Variants in CFDP1 observed in about 807,000 individuals in gnomAD.
CFDP1 encodes the protein chromatin remodeling protein CFDP1.
Under a neutral mutation model 40.1 loss-of-function variants are expected in CFDP1, and 31 were observed. That is an observed-to-expected ratio of 0.77 (90% CI 0.58 to 1.04). The LOEUF is 1.04. Among genes scored for constraint, CFDP1 ranks in the 50% least tolerant of loss-of-function variants. The pLI, the probability that CFDP1 is intolerant of heterozygous loss-of-function variation, is 0.00. For missense variants in CFDP1, 423 were observed against 343.4 expected (o/e 1.23, Z -1.83); for synonymous variants, 167 against 120.0 (o/e 1.39, Z -2.56).
chr16:75,397,055 G>A (rs1040336934), intron 4 of CFDP1, among the ~76,000 whole-genome samples: 10 of 151,940 alleles, frequency 6.6e-5, no homozygotes, highest in Middle Eastern at 6.8e-3. Context: ...CTGGGACTAC[G>A]GGTGCCCGCC....
At chr16:75,408,024 A>G (rs2075291309) in intron 4 of CFDP1, among the ~76,000 whole-genome samples, 1 of 151,292 alleles carries the variant, frequency 6.6e-6, no homozygotes. Flanking sequence ...GAATGACTTG[A>G]GTCCTGGAGG....
intron 5 of CFDP1, among the ~76,000 whole-genome samples, chr16:75,389,074 C>A (rs996721779): frequency 6.6e-6 from 1 of 152,106 alleles, no homozygotes; most frequent in Non-Finnish European, 1.5e-5. Context: ...CAAGTCAATG[C>A]GTAAGGGTAG....
chr16:75,374,332 AAT>A (rs2078775883), intron 5 of CFDP1, among the ~76,000 whole-genome samples: 1 of 152,224 alleles, frequency 6.6e-6, no homozygotes, highest in East Asian at 1.9e-4. Context: ...AATAAGATGA[AAT>A]ATGTTAGTAT....
chr16:75,384,033 T>C (rs2078872792), intron 5 of CFDP1, among the ~76,000 whole-genome samples: 2 of 152,124 alleles, frequency 1.3e-5, no homozygotes. Flanking sequence ...AATATTAGTT[T>C]AATAAAAAGT....
chr16:75,368,214 A>G (rs924400178), intron 5 of CFDP1, among the ~76,000 whole-genome samples: 10 of 152,296 alleles, frequency 6.6e-5, no homozygotes, highest in Admixed American at 5.9e-4. Flanking sequence ...AAATATGAAC[A>G]CTGACTAAAT....
chr16:75,410,860 G>A (rs1205837862), intron 4 of CFDP1, among the ~76,000 whole-genome samples: 3 of 140,880 alleles, frequency 2.1e-5, no homozygotes, highest in Non-Finnish European at 4.5e-5. Context: ...AGTGAGCCGA[G>A]ACTGTGCCAC....
At chr16:75,327,308 A>T (rs2151513001) in intron 5 of CFDP1, among the ~76,000 whole-genome samples, 1 of 152,262 alleles carries the variant, frequency 6.6e-6, no homozygotes. Flanking sequence ...ATAAACCTGG[A>T]AGACATGGAA....
chr16:75,315,972 C>T (rs1360136298), intron 5 of CFDP1, among the ~76,000 whole-genome samples: 1 of 152,080 alleles, frequency 6.6e-6, no homozygotes, highest in Admixed American at 6.6e-5. Context: ...AGTCTCTTGC[C>T]TTTGGTTTTG....
chr16:75,327,256 G>C (rs1322911903), intron 5 of CFDP1, among the ~76,000 whole-genome samples: 1 of 152,170 alleles, frequency 6.6e-6, no homozygotes, highest in Non-Finnish European at 1.5e-5. Context: ...GACAGTGCAA[G>C]ACTCTGTCTC....
At chr16:75,351,538 T>C (rs2078610948) in intron 5 of CFDP1, among the ~76,000 whole-genome samples, 1 of 152,120 alleles carries the variant, frequency 6.6e-6, no homozygotes, top group Non-Finnish European at 1.5e-5. Flanking sequence ...ACTTTGAGAA[T>C]CAATAAGGAT....
chr16:75,377,079 T>G (rs574818063), intron 5 of CFDP1, among the ~76,000 whole-genome samples: 1 of 152,216 alleles, frequency 6.6e-6, no homozygotes, highest in Non-Finnish European at 1.5e-5. Flanking sequence ...AGCTCTTGAA[T>G]TACTTCCTGA....
intron 5 of CFDP1, among the ~76,000 whole-genome samples, chr16:75,394,442 T>A (rs141194687): frequency 6.6e-6 from 1 of 152,250 alleles, no homozygotes; most frequent in African/African-American, 2.4e-5. Context: ...TTGTAAATCA[T>A]CTTTGATCTT....
At chr16:75,407,888 A>C (rs1300286652) in intron 4 of CFDP1, among the ~76,000 whole-genome samples, 1 of 152,162 alleles carries the variant, frequency 6.6e-6, no homozygotes, top group Admixed American at 6.6e-5. Flanking sequence ...CAGGAGGATC[A>C]CCTCAGCCCA....
intron 2 of CFDP1, among the ~76,000 whole-genome samples, chr16:75,414,109 T>C (rs1365271268): frequency 6.6e-6 from 1 of 151,996 alleles, no homozygotes; most frequent in African/African-American, 2.4e-5. Flanking sequence ...AACGTAATAC[T>C]ATGAAAAGGA....
chr16:75,328,830 C>T (rs2151513880), intron 5 of CFDP1, among the ~76,000 whole-genome samples: 1 of 150,482 alleles, frequency 6.6e-6, no homozygotes, highest in Non-Finnish European at 1.5e-5. Flanking sequence ...AGGCACATGC[C>T]ACCATGCTCA....
intron 4 of CFDP1, among the ~76,000 whole-genome samples, chr16:75,410,653 A>G (rs1308454173): frequency 6.6e-6 from 1 of 152,006 alleles, no homozygotes; most frequent in Non-Finnish European, 1.5e-5. Flanking sequence ...TCACACCTGT[A>G]ATCCCAGCAC....
chr16:75,406,628 G>A (rs1201200749), intron 4 of CFDP1: 2 of 152,234 alleles, frequency 1.3e-5, no homozygotes, highest in South Asian at 2.1e-4. Context: ...CTGAACCCCG[G>A]AGGCATAGGT....
chr16:75,416,288 G>A (rs909181913), intron 1 of CFDP1, among the ~76,000 whole-genome samples: 6 of 152,136 alleles, frequency 3.9e-5, no homozygotes, highest in African/African-American at 1.2e-4. Context: ...GCAGAAAGAG[G>A]GGATGGGGAG....
chr16:75,395,024 A>C, intron 5 of CFDP1, 66 bp downstream of exon 5: 1 of 1,586,798 alleles, frequency 6.3e-7, no homozygotes, highest in Non-Finnish European at 8.6e-7. Flanking sequence ...CAGCGAAAGT[A>C]GGTATTTGCA....
Sources: allele counts gnomAD v4.1 joint callset (sites outside exome capture counted in the v4.1 genomes callset), GRCh38; gene constraint gnomAD v4.1.1; transcripts MANE v1.5; gene names NCBI Gene and HGNC (gene_info 2026-07-23, HGNC 2026-07-21).